The following DEPDC4 variants were observed in gnomAD, a reference collection of about 807,000 sequenced individuals.
DEPDC4 encodes the protein DEP domain-containing protein 4.
A neutral mutation model predicts 52.0 loss-of-function variants in DEPDC4; 52 were observed. The ratio of observed to expected loss-of-function variants is 1.00; its 90% confidence interval spans 0.80 to 1.26. The LOEUF (loss-of-function observed/expected upper bound fraction) is 1.26, where lower values mean the gene tolerates loss of function less well. DEPDC4 is among the 50% of genes most tolerant of loss of function. The probability of loss-of-function intolerance (pLI) is 0.00; values close to 1 mark genes in which losing one functional copy is unlikely to be tolerated. For missense variants in DEPDC4, 530 were observed against 546.9 expected (o/e 0.97, Z 0.31); for synonymous variants, 201 against 196.8 (o/e 1.02, Z -0.18).
the DEPDC4 span, among the ~76,000 whole-genome samples, chr12:100,275,211 CTTT>C: frequency 7.0e-6 from 1 of 143,284 alleles, no homozygotes; most frequent in African/African-American, 2.6e-5. Flanking sequence ...TTTTTTTTTT[CTTT>C]TTTTTGAGAC....
rs143895658 is a variant in DEPDC4 at position 100,260,410 on chromosome 12, C to T, written c.700+1854G>A. 5.1e-4 allele frequency among the ~76,000 whole-genome samples: 78 copies of T among 151,756 alleles called. 1 individual carries two copies. The East Asian group carries it at 0.015, about 28-fold the overall frequency. On this transcript the variant is annotated intron_variant, in intron 3 of 9. Coordinates refer to ENST00000550587, the MANE Select transcript of DEPDC4 (RefSeq NM_001364818.2). Reference sequence around the variant, plus strand: ...TGCTGGGATTACAGGCGTGAGCCACCGTGCCCTGGCCTTTACTGATAAATC... The same window carrying T: ...TGCTGGGATTACAGGCGTGAGCCACTGTGCCCTGGCCTTTACTGATAAATC...
At chr12:100,258,835 T>C (rs1566323173) in intron 3 of DEPDC4, among the ~76,000 whole-genome samples, 1 of 151,762 alleles carries the variant, frequency 6.6e-6, no homozygotes, top group Non-Finnish European at 1.5e-5. Flanking sequence ...CTTTGGGAGG[T>C]TGCAGTGGTC....
rs532357404 is a variant in DEPDC4 at position 100,245,800 on chromosome 12, C to T, written c.1453+3100G>A. Among the ~76,000 whole-genome samples, 3 of 152,230 alleles carry T rather than the reference C, an allele frequency of 2.0e-5. No homozygotes were observed. In the South Asian group the frequency reaches 6.2e-4, roughly 32 times the overall value. On this transcript the variant is annotated intron_variant, in intron 8 of 9. Transcript: ENST00000550587. ...TCTTTATCTAAAATACAAATCTGGT[C>T]GTATCACTTCCTTAAAAATAATTTT...
intron 4 of DEPDC4, among the ~76,000 whole-genome samples, chr12:100,255,085 T>C (rs1436027475): frequency 6.6e-6 from 1 of 152,208 alleles, no homozygotes; most frequent in Admixed American, 6.5e-5. Flanking sequence ...GTGTGATTCA[T>C]TGTCTTCTAG....
Position 100,263,842 on chromosome 12 carries a change from G to T in DEPDC4, c.209C>A (p.Ser70Tyr). The T allele has an allele frequency of 6.2e-7, 1 of 1,614,046 alleles. No homozygotes were observed. The highest frequency in any genetic ancestry group is 2.2e-5 in the East Asian group (1 of 44,866). The change falls in exon 2 of 10, where the codon TCT (serine) becomes TAT (tyrosine). Residue 70 changes from serine (S) to tyrosine (Y), a missense_variant. Transcript: ENST00000550587. ...ATQLWDGIIH[S>Y]LQAQVEIKRR... ...TTTTATTTCCACTTGGGCCTGAAGA[G>T]AGTGAATAATACCATCCCATAGCTG...
the DEPDC4 span, among the ~76,000 whole-genome samples, chr12:100,279,353 T>G: frequency 1.3e-5 from 2 of 152,234 alleles, no homozygotes; most frequent in African/African-American, 2.4e-5. Flanking sequence ...TAATGCTTGC[T>G]CGCCTACCGC....
intron 3 of DEPDC4, among the ~76,000 whole-genome samples, chr12:100,256,491 C>T (rs1263739098): frequency 6.6e-6 from 1 of 151,844 alleles, no homozygotes; most frequent in Non-Finnish European, 1.5e-5. Flanking sequence ...CTCTTAAGGC[C>T]AACATTAATT....
downstream of DEPDC4, among the ~76,000 whole-genome samples, chr12:100,239,868 T>C (rs1186752179): frequency 5.9e-5 from 9 of 151,988 alleles, no homozygotes; most frequent in Non-Finnish European, 1.2e-4. Context: ...ATAGTGAGAC[T>C]CCATCTCTAC....
intron 9 of DEPDC4, among the ~76,000 whole-genome samples, chr12:100,233,301 C>A (rs1338929015): frequency 6.6e-6 from 1 of 152,122 alleles, no homozygotes; most frequent in African/African-American, 2.4e-5. Flanking sequence ...CATACAGCCC[C>A]CTGAAAGATG....
the DEPDC4 span, among the ~76,000 whole-genome samples, chr12:100,275,714 T>C: frequency 6.6e-6 from 1 of 152,222 alleles, no homozygotes; most frequent in Non-Finnish European, 1.5e-5. Context: ...TACTGGAATA[T>C]TGAATAGAAG....
At position 100,263,774 on chromosome 12, in the gene DEPDC4, C is replaced by T; in HGVS notation, c.277G>A (p.Gly93Ser). 1 of 1,614,142 alleles carries T rather than the reference C, an allele frequency of 6.2e-7. No homozygotes were observed. Among genetic ancestry groups the T allele is most frequent in the Non-Finnish European group, 8.5e-7 (1 of 1,180,022 alleles). ...HLQTYKDCFTGSDAVDVVLSH... is the reference protein window; with the variant it reads ...HLQTYKDCFTSSDAVDVVLSH... Reference sequence around the variant, plus strand: ...AAGACCACATCGACAGCATCAGAACCAGTGAAACAGTCTTTGTATGTCTGT... The same window carrying T: ...AAGACCACATCGACAGCATCAGAACTAGTGAAACAGTCTTTGTATGTCTGT... The change falls in exon 2 of 10, where the codon GGT (glycine) becomes AGT (serine). Residue 93 changes from glycine (G) to serine (S), a missense_variant. Gly to Ser is a moderately conservative substitution (Grantham distance 56). Transcript: ENST00000550587.
At chr12:100,255,993 C>A in intron 4 of DEPDC4, 56 bp downstream of exon 4, 3 of 1,339,132 alleles carry the variant, frequency 2.2e-6, no homozygotes, top group Non-Finnish European at 3.1e-6. Flanking sequence ...ATACTAAGGG[C>A]AAATATGTGA....
the DEPDC4 span, among the ~76,000 whole-genome samples, chr12:100,275,684 A>G: frequency 6.6e-6 from 1 of 152,042 alleles, no homozygotes; most frequent in African/African-American, 2.4e-5. Flanking sequence ...TTCTTGCTTT[A>G]TTGCCTTGGT....
At chr12:100,251,512 A>C (rs1333903715) in intron 7 of DEPDC4, among the ~76,000 whole-genome samples, 1 of 150,338 alleles carries the variant, frequency 6.7e-6, no homozygotes, top group Non-Finnish European at 1.5e-5. Flanking sequence ...GGCTCAACTG[A>C]CCCTCCCACC....
chr12:100,264,549 T>C (rs535668934), intron 1 of DEPDC4, among the ~76,000 whole-genome samples: 2 of 152,030 alleles, frequency 1.3e-5, no homozygotes, highest in South Asian at 2.1e-4. Context: ...CGTGGTGGCA[T>C]GCGCCTGTAA....
Position 100,241,835 on chromosome 12 carries a change from A to G in DEPDC4, c.*57T>C. The G allele has an allele frequency of 2.5e-6, 3 of 1,203,190 alleles. No homozygotes were observed. The highest frequency in any genetic ancestry group is 3.1e-6 in the Non-Finnish European group (3 of 954,514). The allele number at this position is 1,203,190 out of a possible 1,614,324, so 74.5% of individuals were successfully genotyped here. Reference sequence around the variant, plus strand: ...ACTCCTTGTATGTCAAGGGTTGGCAAAACGTAAAGCCTGGAAAAAAAAAAA... The same window carrying G: ...ACTCCTTGTATGTCAAGGGTTGGCAGAACGTAAAGCCTGGAAAAAAAAAAA... On this transcript the variant is annotated 3_prime_UTR_variant, in exon 10 of 10. Coordinates refer to ENST00000550587, the MANE Select transcript of DEPDC4 (RefSeq NM_001364818.2).
chr12:100,244,890 G>C (rs2096178658), intron 8 of DEPDC4, among the ~76,000 whole-genome samples: 1 of 150,946 alleles, frequency 6.6e-6, no homozygotes, highest in South Asian at 2.1e-4. Flanking sequence ...TTTATTTTTT[G>C]AGAGGGAGTC....
chr12:100,253,923 C>A (rs1247698455), intron 4 of DEPDC4, among the ~76,000 whole-genome samples: 1 of 152,140 alleles, frequency 6.6e-6, no homozygotes, highest in Admixed American at 6.5e-5. Flanking sequence ...TTACTGAATA[C>A]CACCACACCT....
In DEPDC4 at chr12:100,263,686, T is replaced by C. The variant is rs7307415; in HGVS notation, c.365A>G (p.His122Arg). ...SNDISCLKGV[H>R]LCQVLMNHKV... ...GTGATTCATTAGAACTTGGCAAAGA[T>C]GAACCCCTTTAAGACAAGAGATGTC... The change falls in exon 2 of 10, where the codon CAT becomes CGT. Residue 122 changes from histidine (H) to arginine (R), a missense_variant. Coordinates refer to ENST00000550587, the MANE Select transcript of DEPDC4 (RefSeq NM_001364818.2). 0.073 allele frequency: 117,022 copies of C among 1,613,978 alleles called. 5,856 individuals are homozygous for C. The highest frequency in any genetic ancestry group is 0.25 in the African/African-American group (19,083 of 74,978).
Sources: gnomAD v4.1 joint callset for allele counts (sites outside exome capture counted in the v4.1 genomes callset) on GRCh38, gnomAD v4.1.1 for gene constraint, MANE v1.5 for transcripts, NCBI Gene and HGNC (gene_info 2026-07-23, HGNC 2026-07-21) for gene names.